Variants in MGST1 observed in about 807,000 individuals in gnomAD.
The protein encoded by MGST1 is microsomal glutathione S-transferase 1.
In MGST1, 5 loss-of-function variants were observed where a neutral mutation model predicts 8.9. That is an observed-to-expected ratio of 0.56 (90% CI 0.29 to 1.19). The LOEUF is 1.19. MGST1 is among the 50% of genes most tolerant of loss of function. The pLI, the probability that MGST1 is intolerant of heterozygous loss-of-function variation, is 0.08. For missense variants in MGST1, 182 were observed against 187.4 expected (o/e 0.97, Z 0.17); for synonymous variants, 54 against 67.8 (o/e 0.80, Z 1.00).
chr12:16,401,244 C>CT lies in MGST1; in HGVS notation n.778+17645dup. ...ACAGGGCATAGGTTTTCTCTTCTGG[C>CT]TTTTTCCCCTCCTTGTTAGTCAGGT... On this transcript the variant is annotated intron_variant and non_coding_transcript_variant, in intron 1 of 1. Transcript: ENST00000359720. The surrounding 1 kb of genome is among the most constrained non-coding windows in gnomAD (Gnocchi z 4.3). The CT allele has an allele frequency of 6.4e-7, 1 of 1,568,278 alleles. No individual in the cohort carries two copies. Among genetic ancestry groups the CT allele is most frequent in the Non-Finnish European group, 8.8e-7 (1 of 1,140,888 alleles).
rs1197344915 is a variant in MGST1, at chr12:16,517,320, A to G, written n.483-72208A>G. Among the ~76,000 whole-genome samples the G allele has an allele frequency of 6.6e-6, 1 of 152,208 alleles. No homozygotes were observed. The highest frequency in any genetic ancestry group is 1.9e-4 in the East Asian group (1 of 5,200). On this transcript the variant is annotated intron_variant and non_coding_transcript_variant, in intron 4 of 4. Transcript: ENST00000538857. This position sits in a 1 kb window ranked among gnomAD's most constrained non-coding sequence, Gnocchi z 4.2. ...GGAAGCTTTAAAAGGTGATTAAGTC[A>G]TAAGTTCTCTCCCCTTATGAATAGA...
chr12:16,392,176 T>G (rs776473505), intron 1 of MGST1, among the ~76,000 whole-genome samples: 1 of 152,176 alleles, frequency 6.6e-6, no homozygotes, highest in Non-Finnish European at 1.5e-5. Context: ...TTGGGTGATG[T>G]GAAGCTTCCA....
intron 4 of MGST1, among the ~76,000 whole-genome samples, chr12:16,570,217 G>A (rs1052625454): frequency 6.6e-6 from 1 of 152,044 alleles, no homozygotes; most frequent in South Asian, 2.1e-4. Flanking sequence ...GGTTTTCTAG[G>A]TGAAACTTTT....
intron 1 of MGST1, among the ~76,000 whole-genome samples, chr12:16,385,671 C>A (rs954694224): frequency 6.6e-6 from 1 of 150,646 alleles, no homozygotes; most frequent in African/African-American, 2.5e-5. Context: ...AGGAGAAGCC[C>A]GTCTCTTTTC....
chr12:16,508,928 G>C lies in MGST1; in HGVS notation n.483-80600G>C, dbSNP rs1039852827. Reference sequence around the variant, plus strand: ...TAAAGTATGAATAGTAGGTGGTTAGGGGGTATTTTGGACTTACAGTACCCT... The same window carrying C: ...TAAAGTATGAATAGTAGGTGGTTAGCGGGTATTTTGGACTTACAGTACCCT... On this transcript the variant is annotated intron_variant and non_coding_transcript_variant, in intron 4 of 4. Coordinates refer to the MGST1 transcript ENST00000538857. 3.3e-5 allele frequency among the ~76,000 whole-genome samples: 5 copies of C among 152,218 alleles called. No homozygotes were observed. The East Asian group carries it at 9.7e-4, about 29-fold the overall frequency.
chr12:16,450,753 G>A (rs959830863), intron 4 of MGST1, among the ~76,000 whole-genome samples: 2 of 151,734 alleles, frequency 1.3e-5, no homozygotes, highest in African/African-American at 4.8e-5. Context: ...CCCCTTTCTT[G>A]AGCTCTGTTT....
intron 4 of MGST1, among the ~76,000 whole-genome samples, chr12:16,562,172 T>G (rs1366245358): frequency 6.6e-6 from 1 of 152,184 alleles, no homozygotes; most frequent in Non-Finnish European, 1.5e-5. Flanking sequence ...TTCATCCTAT[T>G]CATTTGTAAG....
chr12:16,534,119 A>C (rs955083321), intron 4 of MGST1, among the ~76,000 whole-genome samples: 1 of 152,186 alleles, frequency 6.6e-6, no homozygotes, highest in Non-Finnish European at 1.5e-5. Flanking sequence ...ATATCAACTC[A>C]AATTTAGACA....
intron 4 of MGST1, among the ~76,000 whole-genome samples, chr12:16,543,170 A>G (rs1257520723): frequency 6.6e-6 from 1 of 152,176 alleles, no homozygotes; most frequent in Non-Finnish European, 1.5e-5. Flanking sequence ...AAGGTGCCCA[A>G]TAAATGTCTG....
intron 4 of MGST1, among the ~76,000 whole-genome samples, chr12:16,579,092 G>A (rs762900691): frequency 6.6e-6 from 1 of 151,944 alleles, no homozygotes; most frequent in Non-Finnish European, 1.5e-5. Flanking sequence ...TTTTAAAAAG[G>A]CACTGATTAT....
At chr12:16,394,925 G>T (rs943124473) in intron 1 of MGST1, among the ~76,000 whole-genome samples, 9 of 151,754 alleles carry the variant, frequency 5.9e-5, no homozygotes, top group African/African-American at 1.9e-4. Context: ...TGGATTCATA[G>T]TTTTTTTTAT....
intron 4 of MGST1, among the ~76,000 whole-genome samples, chr12:16,456,654 C>T (rs1012023324): frequency 6.6e-6 from 1 of 151,906 alleles, no homozygotes; most frequent in Non-Finnish European, 1.5e-5. Context: ...TAATCTAATT[C>T]AGTATTTTGG....
intron 4 of MGST1, among the ~76,000 whole-genome samples, chr12:16,524,132 T>G (rs775698783): frequency 6.6e-6 from 1 of 152,100 alleles, no homozygotes; most frequent in Non-Finnish European, 1.5e-5. Context: ...GTTTGTGTTT[T>G]ATTAGCTGGT....
chr12:16,445,714 T>G (rs1266011084), intron 4 of MGST1, among the ~76,000 whole-genome samples: 5 of 151,940 alleles, frequency 3.3e-5, no homozygotes, highest in African/African-American at 1.2e-4. Context: ...TACAGTCACG[T>G]GGCAGCTATA....
chr12:16,524,468 C>A (rs1433450077), intron 4 of MGST1, among the ~76,000 whole-genome samples: 2 of 151,968 alleles, frequency 1.3e-5, no homozygotes, highest in Non-Finnish European at 2.9e-5. Flanking sequence ...CTTAACGATG[C>A]TGGAGGCCAA....
rs140759977 is a variant in MGST1 at position 16,511,924 on chromosome 12, C to G, written n.483-77604C>G. The stretch of plus-strand genomic sequence containing the variant: ...GTTATCTATACCCTATGAACTGCAG[C>G]CTTCAGGGCAAAAGGTATTTAACCT... On this transcript the variant is annotated intron_variant and non_coding_transcript_variant, in intron 4 of 4. Coordinates refer to the MGST1 transcript ENST00000538857. Among the ~76,000 whole-genome samples the G allele has an allele frequency of 1.0e-3, 152 of 152,226 alleles. 4 individuals carry two copies. Among genetic ancestry groups the G allele is most frequent in the East Asian group, 3.9e-4 (2 of 5,180 alleles).
At chr12:16,499,582 C>A (rs1000315827) in intron 4 of MGST1, among the ~76,000 whole-genome samples, 4 of 151,906 alleles carry the variant, frequency 2.6e-5, no homozygotes, top group Non-Finnish European at 4.4e-5. Flanking sequence ...ATATCTGCAC[C>A]GAACAAAGAG....
rs768319630 is a variant in MGST1, at chr12:16,547,330, G to C, written n.483-42198G>C. Among the ~76,000 whole-genome samples, 2 of 152,132 alleles carry C rather than the reference G, an allele frequency of 1.3e-5. No homozygotes were observed. The highest frequency in any genetic ancestry group is 1.5e-5 in the Non-Finnish European group (1 of 68,026). On this transcript the variant is annotated intron_variant and non_coding_transcript_variant, in intron 4 of 4. Transcript: ENST00000538857. The surrounding 1 kb of genome is among the most constrained non-coding windows in gnomAD (Gnocchi z 4.6). ...CTATTGTAATCATAGCAATCTGAGG[G>C]TGACTCATTAATTAATTGATGTTCT...
chr12:16,447,552 C>T (rs1199302506), intron 4 of MGST1, among the ~76,000 whole-genome samples: 1 of 151,920 alleles, frequency 6.6e-6, no homozygotes, highest in Non-Finnish European at 1.5e-5. Flanking sequence ...GAACCCAAAT[C>T]TTTGGGTGAA....
Sources: allele counts gnomAD v4.1 joint callset (sites outside exome capture counted in the v4.1 genomes callset), GRCh38; gene constraint gnomAD v4.1.1; non-coding constraint Gnocchi (gnomAD v3.1); transcripts MANE v1.5; gene names NCBI Gene and HGNC (gene_info 2026-07-23, HGNC 2026-07-21).